Variants in COL25A1 observed in about 807,000 individuals in gnomAD.
The protein encoded by COL25A1 is collagen type XXV alpha 1 chain.
In COL25A1, 103 loss-of-function variants were observed where a neutral mutation model predicts 128.4. The observed-to-expected ratio is 0.80, with a 90% CI of 0.68 to 0.94. The LOEUF (loss-of-function observed/expected upper bound fraction) is 0.94, where lower values mean the gene tolerates loss of function less well. Among genes scored for constraint, COL25A1 ranks in the 40% least tolerant of loss-of-function variants. The probability of loss-of-function intolerance (pLI) is 0.00; values close to 1 mark genes in which losing one functional copy is unlikely to be tolerated. For synonymous variants in COL25A1, 279 were observed against 277.2 expected, an observed-to-expected ratio of 1.01 and a Z score of -0.06; for missense variants, 745 against 840.0, an observed-to-expected ratio of 0.89 and a Z score of 1.40.
At chr4:108,989,490 C>T (rs1452163398) in intron 6 of COL25A1, among the ~76,000 whole-genome samples, 1 of 152,126 alleles carries the variant, frequency 6.6e-6, no homozygotes, top group African/African-American at 2.4e-5. Context: ...ATTAAGGATA[C>T]ATCAGCTTTG....
chr4:109,006,378 A>ATTTTTTTTGTTTT (rs1755984518), intron 6 of COL25A1, among the ~76,000 whole-genome samples: 1 of 51,840 alleles, frequency 1.9e-5, no homozygotes, highest in Non-Finnish European at 3.2e-5. Flanking sequence ...CACCCAGCTA[A>ATTTTTTTTGTTTT]TTTTTTTTTT....
At chr4:109,139,302 C>T (rs1450260651) in intron 3 of COL25A1, among the ~76,000 whole-genome samples, 1 of 152,170 alleles carries the variant, frequency 6.6e-6, no homozygotes, top group African/African-American at 2.4e-5. Flanking sequence ...ATGATAGCTT[C>T]TTTTGCTGTG....
intron 13 of COL25A1, among the ~76,000 whole-genome samples, chr4:108,911,064 T>A (rs549424111): frequency 5.9e-5 from 9 of 152,192 alleles, no homozygotes; most frequent in South Asian, 4.1e-4. Flanking sequence ...TGCAGCCTTA[T>A]TTTTAATACA....
chr4:109,280,722 C>T (rs1426259030), intron 3 of COL25A1, among the ~76,000 whole-genome samples: 2 of 151,706 alleles, frequency 1.3e-5, no homozygotes, highest in Non-Finnish European at 2.9e-5. Flanking sequence ...GCAAGATCTC[C>T]GCTCACTGCA....
intron 3 of COL25A1, among the ~76,000 whole-genome samples, chr4:109,114,977 C>T (rs543631149): frequency 1.3e-5 from 2 of 152,172 alleles, no homozygotes; most frequent in Admixed American, 6.6e-5. Context: ...TAGATGACTA[C>T]ACCACTAATT....
chr4:109,203,447 T>G (rs1437823738), intron 3 of COL25A1, among the ~76,000 whole-genome samples: 1 of 151,314 alleles, frequency 6.6e-6, no homozygotes, highest in Non-Finnish European at 1.5e-5. Context: ...ATCCAGAGCC[T>G]CCCCCAAAGA....
At chr4:108,931,868 A>C (rs1246232282) in intron 11 of COL25A1, among the ~76,000 whole-genome samples, 1 of 152,196 alleles carries the variant, frequency 6.6e-6, no homozygotes, top group Non-Finnish European at 1.5e-5. Flanking sequence ...CAGGTGTGCC[A>C]TTTATATGTA....
At chr4:108,960,659 G>T (rs1218769444) in intron 8 of COL25A1, among the ~76,000 whole-genome samples, 2 of 152,080 alleles carry the variant, frequency 1.3e-5, no homozygotes, top group African/African-American at 4.8e-5. Flanking sequence ...CTTTGGTGCT[G>T]GCATTCTAGA....
chr4:108,915,219 T>A (rs1744729776), intron 13 of COL25A1, among the ~76,000 whole-genome samples: 1 of 152,198 alleles, frequency 6.6e-6, no homozygotes, highest in Non-Finnish European at 1.5e-5. Flanking sequence ...ATCAAGGTGA[T>A]CAAAATGTAA....
At chr4:109,283,542 C>T (rs544439709) in intron 3 of COL25A1, among the ~76,000 whole-genome samples, 6 of 152,222 alleles carry the variant, frequency 3.9e-5, no homozygotes, top group South Asian at 2.1e-4. Context: ...GGATTACAGG[C>T]GTGAGCCCCA....
At chr4:109,209,828 G>T (rs555358356) in intron 3 of COL25A1, among the ~76,000 whole-genome samples, 3 of 152,102 alleles carry the variant, frequency 2.0e-5, no homozygotes, top group Admixed American at 1.3e-4. Flanking sequence ...TGGGCTGGGC[G>T]GATCATTTGA....
At chr4:108,857,568 T>TAA (rs34515408) in intron 24 of COL25A1, among the ~76,000 whole-genome samples, 14 of 139,290 alleles carry the variant, frequency 1.0e-4, no homozygotes, top group Middle Eastern at 3.6e-3. Flanking sequence ...AAAATAGATT[T>TAA]AAAAAAAAAA....
At chr4:109,287,898 G>A (rs928901611) in intron 3 of COL25A1, among the ~76,000 whole-genome samples, 1 of 152,156 alleles carries the variant, frequency 6.6e-6, no homozygotes, top group Non-Finnish European at 1.5e-5. Flanking sequence ...GCAGACCAAT[G>A]GGAGACATAT....
intron 36 of COL25A1, among the ~76,000 whole-genome samples, chr4:108,818,278 A>C (rs2125706265): frequency 6.6e-6 from 1 of 152,252 alleles, no homozygotes; most frequent in East Asian, 1.9e-4. Flanking sequence ...AACTATAATC[A>C]CTGACTGCTT....
intron 9 of COL25A1, among the ~76,000 whole-genome samples, chr4:108,940,878 C>T (rs1276715474): frequency 6.6e-6 from 1 of 152,184 alleles, no homozygotes. Flanking sequence ...CAGGAACCAG[C>T]ACTTCCAGTT....
At chr4:108,983,024 G>T (rs1026251663) in intron 6 of COL25A1, among the ~76,000 whole-genome samples, 3 of 152,110 alleles carry the variant, frequency 2.0e-5, no homozygotes, top group African/African-American at 7.2e-5. Flanking sequence ...AAAACAGCAG[G>T]AATCAGGGAC....
intron 3 of COL25A1, among the ~76,000 whole-genome samples, chr4:109,107,405 C>T (rs973494434): frequency 3.9e-5 from 6 of 152,100 alleles, no homozygotes; most frequent in Non-Finnish European, 7.4e-5. Context: ...GAAGTTTATA[C>T]CTCAGTGTAA....
At chr4:109,247,413 T>C (rs560589314) in intron 3 of COL25A1, among the ~76,000 whole-genome samples, 1 of 152,094 alleles carries the variant, frequency 6.6e-6, no homozygotes, top group African/African-American at 2.4e-5. Context: ...GGCTTGAATG[T>C]CAGGTAAGGA....
At chr4:109,264,264 A>G (rs1781645245) in intron 3 of COL25A1, among the ~76,000 whole-genome samples, 1 of 152,200 alleles carries the variant, frequency 6.6e-6, no homozygotes, top group African/African-American at 2.4e-5. Context: ...TGAGAGACTC[A>G]GCTAAGCACG....
Sources: gnomAD v4.1 joint callset for allele counts (sites outside exome capture counted in the v4.1 genomes callset) on GRCh38, gnomAD v4.1.1 for gene constraint, MANE v1.5 for transcripts, NCBI Gene and HGNC (gene_info 2026-07-23, HGNC 2026-07-21) for gene names.